Variants in UBASH3A observed in about 807,000 individuals in gnomAD.
The protein encoded by UBASH3A is ubiquitin-associated and SH3 domain-containing protein A.
In UBASH3A, 63 loss-of-function variants were observed where a neutral mutation model predicts 73.5. The observed-to-expected ratio is 0.86, with a 90% CI of 0.70 to 1.06. The LOEUF is 1.06. Among genes scored for constraint, UBASH3A ranks in the 50% least tolerant of loss-of-function variants. The probability of loss-of-function intolerance (pLI) is 0.00; values close to 1 mark genes in which losing one functional copy is unlikely to be tolerated. For synonymous variants in UBASH3A, 363 were observed against 351.1 expected (o/e 1.03, Z -0.38); for missense variants, 860 against 859.0 (o/e 1.00, Z -0.02).
At chr21:42,423,087 G>GTAAAGGTGGGT (rs1213389679) in intron 7 of UBASH3A, among the ~76,000 whole-genome samples, 1 of 152,224 alleles carries the variant, frequency 6.6e-6, no homozygotes, top group Non-Finnish European at 1.5e-5. Context: ...CAAAGGGAGA[G>GTAAAGGTGGGT]TAAAGGTGGA....
At chr21:42,445,901 C>T (rs1053224882) in intron 14 of UBASH3A, among the ~76,000 whole-genome samples, 24 of 152,218 alleles carry the variant, frequency 1.6e-4, no homozygotes, top group Middle Eastern at 3.4e-3. Context: ...GGGGACTGTC[C>T]GGGGCAGCCC....
At chr21:42,423,801 A>T (rs139214202) in intron 7 of UBASH3A, among the ~76,000 whole-genome samples, 2 of 152,352 alleles carry the variant, frequency 1.3e-5, no homozygotes, top group African/African-American at 4.8e-5. Flanking sequence ...GAAAGGAAAG[A>T]GAAATAAGCA....
chr21:42,409,656 T>A, intron 3 of UBASH3A, 48 bp downstream of exon 3: 47 of 1,546,572 alleles, frequency 3.0e-5, no homozygotes, highest in Non-Finnish European at 4.1e-5. Context: ...CTGGAGGCAT[T>A]TTTCTGTGCT....
At chr21:42,412,784 T>C (rs1382174066) in intron 3 of UBASH3A, among the ~76,000 whole-genome samples, 1 of 152,150 alleles carries the variant, frequency 6.6e-6, no homozygotes, top group Non-Finnish European at 1.5e-5. Context: ...ATTTCCAACC[T>C]GGGCACCTAA....
At chr21:42,446,460 G>T (rs930807768) in intron 14 of UBASH3A, among the ~76,000 whole-genome samples, 1 of 152,146 alleles carries the variant, frequency 6.6e-6, no homozygotes. Flanking sequence ...CTGCCAGTTG[G>T]CATTTTTGTA....
chr21:42,443,389 T>A lies in UBASH3A; in HGVS notation c.1709T>A (p.Val570Glu). 6.2e-7 allele frequency: 1 copy of A among 1,612,698 alleles called. No homozygotes were observed. Among genetic ancestry groups the A allele is most frequent in the East Asian group, 2.2e-5 (1 of 44,800 alleles). The change falls in exon 13 of 15, where the codon GTG (valine) becomes GAG (glutamate). Residue 570 changes from valine (V) to glutamate (E), a missense_variant. Physicochemically the swap from Val to Glu is moderately radical, Grantham distance 121. Transcript: ENST00000319294. The stretch of plus-strand genomic sequence containing the variant: ...ATGGACAGGTGCACGGCGAGCATGG[T>A]GCAAATCGTCAACACCTGTCCACAG... ...EYMDRCTASMVQIVNTCPQDT... is the reference protein window; with the variant it reads ...EYMDRCTASMEQIVNTCPQDT...
intron 9 of UBASH3A, among the ~76,000 whole-genome samples, 181 bp downstream of exon 9, chr21:42,432,383 TA>T (rs1443303147): frequency 7.4e-6 from 1 of 134,260 alleles, no homozygotes; most frequent in East Asian, 1.9e-4. Flanking sequence ...GTGTTCCATG[TA>T]TGCATTTGAG....
intron 11 of UBASH3A, 109 bp from the exon 12 acceptor site, chr21:42,442,343 G>C: frequency 8.9e-7 from 1 of 1,117,524 alleles, no homozygotes; most frequent in Non-Finnish European, 1.3e-6. Flanking sequence ...TGTTTAAAAG[G>C]CATGATTTAG....
intron 11 of UBASH3A, 29 bp downstream of exon 11, chr21:42,437,609 T>G (rs1351012047): frequency 3.1e-6 from 5 of 1,593,452 alleles, no homozygotes; most frequent in Non-Finnish European, 4.3e-6. Flanking sequence ...GAGCCTCTCC[T>G]ACTGCCTTGA....
At position 42,443,731 on chromosome 21, in the gene UBASH3A, C is replaced by T. The variant is rs2053794373; in HGVS notation, c.1738+313C>T. Among the ~76,000 whole-genome samples, 5 of 146,482 alleles carry T rather than the reference C, an allele frequency of 3.4e-5. No individual in the cohort carries two copies. The South Asian group carries it at 1.1e-3, about 32-fold the overall frequency. On this transcript the variant is annotated intron_variant, in intron 13 of 14. Transcript: ENST00000319294. ...CCTATGAATGCCCCCACTTCCCCTG[C>T]CCGCCCCCCACCATTCTCCAGCAAC...
intron 14 of UBASH3A, among the ~76,000 whole-genome samples, chr21:42,445,083 A>G (rs1260578440): frequency 6.6e-6 from 1 of 152,222 alleles, no homozygotes; most frequent in Non-Finnish European, 1.5e-5. Context: ...AAGAAGCTTG[A>G]GCTGGTTGTA....
At chr21:42,426,929 C>T in intron 8 of UBASH3A, 109 bp downstream of exon 8, 1 of 1,381,242 alleles carries the variant, frequency 7.2e-7, no homozygotes, top group Non-Finnish European at 9.9e-7. Flanking sequence ...TCCATAGACA[C>T]ATCCTCCCTG....
chr21:42,442,664 A>G (rs967919395), intron 12 of UBASH3A, 68 bp downstream of exon 12: 71 of 1,520,908 alleles, frequency 4.7e-5, no homozygotes, highest in South Asian at 1.2e-4. Flanking sequence ...ATTTCATGAC[A>G]CTGTTAAAAT....
chr21:42,447,020 A>T, intron 14 of UBASH3A, 37 bp from the exon 15 acceptor site: 1 of 1,599,040 alleles, frequency 6.3e-7, no homozygotes, highest in Non-Finnish European at 8.5e-7. Context: ...TGGACTTGCT[A>T]TAAGATATTA....
intron 12 of UBASH3A, 117 bp from the exon 13 acceptor site, chr21:42,443,195 T>G: frequency 7.0e-7 from 1 of 1,422,346 alleles, no homozygotes; most frequent in Non-Finnish European, 9.2e-7. Context: ...ACCATGAGCC[T>G]GCCTTGAGGC....
chr21:42,406,466 T>C, intron 2 of UBASH3A, 105 bp downstream of exon 2: 3 of 934,374 alleles, frequency 3.2e-6, no homozygotes, highest in East Asian at 2.4e-5. Flanking sequence ...CGGGCGCCTC[T>C]GGGTGGGATG....
intron 11 of UBASH3A, among the ~76,000 whole-genome samples, chr21:42,439,893 T>C (rs2053704346): frequency 9.6e-6 from 1 of 104,230 alleles, no homozygotes; most frequent in Non-Finnish European, 1.9e-5. Flanking sequence ...TGAACACACA[T>C]ACCACACACA....
At position 42,418,380 on chromosome 21, in the gene UBASH3A, AC is replaced by A; in HGVS notation, c.838-17del. 1 of 1,599,988 alleles carries A rather than the reference AC, an allele frequency of 6.3e-7. No individual in the cohort carries two copies. Among genetic ancestry groups the A allele is most frequent in the Non-Finnish European group, 8.6e-7 (1 of 1,168,186 alleles). ...TGTAAATCTTTGCTCGAGACGTGAAACCCCTTTGCCTCTTTTCTAGACCCTG... is the reference window on the plus strand; with the variant it reads ...TGTAAATCTTTGCTCGAGACGTGAAACCCTTTGCCTCTTTTCTAGACCCTG... On this transcript the variant is annotated intron_variant, in intron 6 of 14. Coordinates refer to ENST00000319294, the MANE Select transcript of UBASH3A (RefSeq NM_018961.4).
chr21:42,440,491 C>T (rs192944826), intron 11 of UBASH3A, among the ~76,000 whole-genome samples: 1 of 152,328 alleles, frequency 6.6e-6, no homozygotes, highest in Admixed American at 6.5e-5. Context: ...GGGGAACAGG[C>T]CTGTGCCTCA....
Sources: gnomAD v4.1 joint callset for allele counts (sites outside exome capture counted in the v4.1 genomes callset) on GRCh38, gnomAD v4.1.1 for gene constraint, MANE v1.5 for transcripts, NCBI Gene and HGNC (gene_info 2026-07-23, HGNC 2026-07-21) for gene names.